PDE4D: variants seen among roughly 807,000 people sequenced by gnomAD.
The protein encoded by PDE4D is 3',5'-cyclic-AMP phosphodiesterase 4D.
PDE4D carries 24 observed loss-of-function variants against 87.4 expected under a neutral mutation model. That is an observed-to-expected ratio of 0.27 (90% confidence interval 0.20 to 0.39). The LOEUF is 0.39. Ranked by LOEUF, PDE4D falls within the 10% of genes least tolerant of loss-of-function variation. The pLI is 1.00. For synonymous variants in PDE4D, 384 were observed against 383.2 expected (o/e 1.00, Z -0.02); for missense variants, 714 against 1,041.0 (o/e 0.69, Z 4.32).
At chr5:60,502,834 A>G (rs919856538) in intron 1 of PDE4D, among the ~76,000 whole-genome samples, 2 of 152,036 alleles carry the variant, frequency 1.3e-5, no homozygotes, top group Non-Finnish European at 1.5e-5. Flanking sequence ...TTCTATCTGT[A>G]TTTTTTTCAG....
At chr5:59,989,803 A>G (rs1762829600) in intron 2 of PDE4D, among the ~76,000 whole-genome samples, 1 of 152,208 alleles carries the variant, frequency 6.6e-6, no homozygotes, top group Non-Finnish European at 1.5e-5. Flanking sequence ...TGAGAATTAT[A>G]GAATCACCAA....
At chr5:59,231,584 GAATGAGTTTATTTTTT>G (rs1393073781) in intron 1 of PDE4D, among the ~76,000 whole-genome samples, 1 of 152,182 alleles carries the variant, frequency 6.6e-6, no homozygotes, top group African/African-American at 2.4e-5. Flanking sequence ...ACTTGATGAA[GAATGAGTTTATTTTTT>G]AAGTCATTTA....
At chr5:59,005,767 C>T (rs78117431) in intron 6 of PDE4D, among the ~76,000 whole-genome samples, 68 of 152,336 alleles carry the variant, frequency 4.5e-4, no homozygotes, top group Non-Finnish European at 8.1e-4. Context: ...GACCTTCTTA[C>T]ATATTCAATA....
In PDE4D at chr5:60,146,717, C is replaced by T. The variant is rs142834908; in HGVS notation, c.42+38840G>A. Among the ~76,000 whole-genome samples the T allele has an allele frequency of 2.6e-3, 401 of 152,258 alleles. 1 individual carries two copies. Among genetic ancestry groups the T allele is most frequent in the African/African-American group, 8.1e-3 (338 of 41,542 alleles). On this transcript the variant is annotated intron_variant, in intron 2 of 16. Coordinates refer to the PDE4D transcript ENST00000502484. ...CCTATACAATAACAAAAAATATTTG[C>T]ATCCGATATGAATATTCGCACCTGA...
At chr5:59,882,492 C>T (rs1749569811) in intron 1 of PDE4D, among the ~76,000 whole-genome samples, 1 of 152,088 alleles carries the variant, frequency 6.6e-6, no homozygotes. Context: ...TGGACAATCT[C>T]GATAGACTAA....
intron 1 of PDE4D, among the ~76,000 whole-genome samples, chr5:59,563,978 G>A (rs191944180): frequency 7.7e-4 from 118 of 152,282 alleles, no homozygotes; most frequent in South Asian, 2.7e-3. Flanking sequence ...CTCACATTGA[G>A]TGTGAACAAG....
chr5:60,263,837 T>C (rs1283717401), intron 1 of PDE4D, among the ~76,000 whole-genome samples: 1 of 151,986 alleles, frequency 6.6e-6, no homozygotes. Flanking sequence ...TTCCTCAAAG[T>C]CCTTGGCTTT....
intron 1 of PDE4D, among the ~76,000 whole-genome samples, chr5:60,200,170 A>G (rs1741742720): frequency 6.6e-6 from 1 of 151,690 alleles, no homozygotes; most frequent in Non-Finnish European, 1.5e-5. Context: ...AAAATATATT[A>G]ACTAATTCAA....
chr5:59,524,936 A>G lies in PDE4D; in HGVS notation c.456-308968T>C, dbSNP rs111422088. Among the ~76,000 whole-genome samples, 289 of 152,318 alleles carry G rather than the reference A, an allele frequency of 1.9e-3. 3 individuals carry two copies. Among genetic ancestry groups the G allele is most frequent in the African/African-American group, 6.7e-3 (279 of 41,582 alleles). On this transcript the variant is annotated intron_variant, in intron 1 of 14. Transcript: ENST00000340635. The stretch of plus-strand genomic sequence containing the variant: ...TTGGGAACCTCCACCTAGATTTCAG[A>G]GGATGTATGGAAATGCCTGGATGTC...
intron 1 of PDE4D, among the ~76,000 whole-genome samples, chr5:59,737,189 T>C (rs980022985): frequency 6.6e-6 from 1 of 152,188 alleles, no homozygotes; most frequent in African/African-American, 2.4e-5. Flanking sequence ...TTTGATGACA[T>C]AACATAAAGC....
chr5:60,300,302 T>C (rs1753780166), intron 1 of PDE4D, among the ~76,000 whole-genome samples: 1 of 152,214 alleles, frequency 6.6e-6, no homozygotes, highest in South Asian at 2.1e-4. Flanking sequence ...ATACTAGACT[T>C]TTGTCAGATG....
chr5:59,073,507 C>CGGGGGGGGGGG (rs56301552), intron 5 of PDE4D, among the ~76,000 whole-genome samples: 1 of 38,202 alleles, frequency 2.6e-5, no homozygotes. Context: ...AAGTGGGGGG[C>CGGGGGGGGGGG]GGGGGGGGCG....
At chr5:60,115,961 C>A (rs1017010824) in intron 2 of PDE4D, among the ~76,000 whole-genome samples, 4 of 152,060 alleles carry the variant, frequency 2.6e-5, no homozygotes, top group African/African-American at 9.7e-5. Context: ...GTGCTCAATT[C>A]TTTGCTCACA....
At chr5:59,616,206 A>T (rs1244161349) in intron 1 of PDE4D, among the ~76,000 whole-genome samples, 1 of 151,712 alleles carries the variant, frequency 6.6e-6, no homozygotes, top group Non-Finnish European at 1.5e-5. Context: ...AAATAATCTC[A>T]TCTGATTTTA....
chr5:60,330,334 C>T (rs574912923), intron 1 of PDE4D, among the ~76,000 whole-genome samples: 1 of 152,142 alleles, frequency 6.6e-6, no homozygotes, highest in Admixed American at 6.5e-5. Flanking sequence ...AATGAGCCTA[C>T]AGTTTAGCAA....
At chr5:59,826,407 C>T (rs1163894331) in intron 1 of PDE4D, among the ~76,000 whole-genome samples, 1 of 152,122 alleles carries the variant, frequency 6.6e-6, no homozygotes, top group Non-Finnish European at 1.5e-5. Flanking sequence ...CTGAAGATCT[C>T]CAAGTTGTGC....
chr5:59,582,247 G>A (rs1297173888), intron 1 of PDE4D, among the ~76,000 whole-genome samples: 1 of 152,078 alleles, frequency 6.6e-6, no homozygotes, highest in Non-Finnish European at 1.5e-5. Flanking sequence ...GACTTGATAC[G>A]TCATTTCCTT....
chr5:60,169,797 CAG>C (rs923178345), intron 2 of PDE4D, among the ~76,000 whole-genome samples: 12 of 152,022 alleles, frequency 7.9e-5, no homozygotes, highest in African/African-American at 2.4e-4. Context: ...ACTGCAGAGA[CAG>C]AGTCTTAAAA....
chr5:60,252,516 T>C (rs866817960), intron 1 of PDE4D, among the ~76,000 whole-genome samples: 8 of 151,306 alleles, frequency 5.3e-5, no homozygotes, highest in African/African-American at 1.9e-4. Flanking sequence ...GCCTTTCAAA[T>C]GCATGATAAA....
Sources: gnomAD v4.1 joint callset for allele counts (sites outside exome capture counted in the v4.1 genomes callset) on GRCh38, gnomAD v4.1.1 for gene constraint, MANE v1.5 for transcripts, NCBI Gene and HGNC (gene_info 2026-07-23, HGNC 2026-07-21) for gene names.